Variants in SOX15 observed in about 807,000 individuals in gnomAD.
SOX15 encodes transcription factor SOX-15.
A neutral mutation model predicts 15.9 loss-of-function variants in SOX15; 12 were observed. The observed-to-expected ratio is 0.75, with a 90% CI of 0.48 to 1.22. The LOEUF (loss-of-function observed/expected upper bound fraction) is 1.22, where lower values mean the gene tolerates loss of function less well. SOX15 is among the 50% of genes most tolerant of loss of function. SOX15 has a pLI of 0.00. For missense variants in SOX15, 309 were observed against 313.9 expected, an observed-to-expected ratio of 0.98 and a Z score of 0.12; for synonymous variants, 149 against 142.8, an observed-to-expected ratio of 1.04 and a Z score of -0.31.
In SOX15 at chr17:7,589,551, C is replaced by T; in HGVS notation, c.126G>A (p.Gly42=). 6.2e-7 allele frequency: 1 copy of T among 1,604,614 alleles called. No homozygotes were observed. The highest frequency in any genetic ancestry group is 8.5e-7 in the Non-Finnish European group (1 of 1,176,762). The change falls in exon 1 of 2, where the codon GGG becomes GGA. Residue 42 remains glycine, a synonymous_variant. Coordinates refer to ENST00000250055, the MANE Select transcript of SOX15 (RefSeq NM_006942.2). ...REGAGSPAAP[G]TLPLEKVKRP... Reference sequence around the variant, plus strand: ...GCTTCACCTTCTCCAGGGGCAGCGTCCCGGGGGCCGCGGGGCTCCCAGCGC... The same window carrying T: ...GCTTCACCTTCTCCAGGGGCAGCGTTCCGGGGGCCGCGGGGCTCCCAGCGC...
Position 7,589,773 on chromosome 17 carries a change from T to C in SOX15, c.-97A>G, listed in dbSNP as rs779217417. 7.0e-6 allele frequency: 8 copies of C among 1,142,200 alleles called. No individual in the cohort carries two copies. Among genetic ancestry groups the C allele is most frequent in the African/African-American group, 3.1e-5 (2 of 63,728 alleles). 70.8% of individuals were successfully genotyped at this position (1,142,200 alleles called of 1,614,324 possible). On this transcript the variant is annotated 5_prime_UTR_variant, in exon 1 of 2. Transcript: ENST00000250055. ...GAAAGGTCTTCCCAGTCTGGAGTCGTTGCCGAGGAACTTGGGTCCTTAAAA... is the reference window on the plus strand; with the variant it reads ...GAAAGGTCTTCCCAGTCTGGAGTCGCTGCCGAGGAACTTGGGTCCTTAAAA...
At position 7,588,311 on chromosome 17, in the gene SOX15, G is replaced by A; in HGVS notation, c.*67C>T. 2.0e-6 allele frequency: 3 copies of A among 1,492,294 alleles called. No homozygotes were observed. Among genetic ancestry groups the A allele is most frequent in the East Asian group, 2.3e-5 (1 of 44,346 alleles). 92.4% of individuals were successfully genotyped at this position (1,492,294 alleles called of 1,614,324 possible). On this transcript the variant is annotated 3_prime_UTR_variant, in exon 2 of 2. Transcript: ENST00000250055. ...CAGGAGAAAGGGTTGACAGCCTGGG[G>A]TAGGGGATGCTGCTGGATTAAAAAA...
chr17:7,589,731 C>T lies in SOX15; in HGVS notation c.-55G>A. 2.1e-6 allele frequency: 3 copies of T among 1,428,448 alleles called. No homozygotes were observed. The highest frequency in any genetic ancestry group is 1.9e-6 in the Non-Finnish European group (2 of 1,077,020). 88.5% of individuals were successfully genotyped at this position (1,428,448 alleles called of 1,614,324 possible). On this transcript the variant is annotated 5_prime_UTR_variant, in exon 1 of 2. Coordinates refer to ENST00000250055, the MANE Select transcript of SOX15 (RefSeq NM_006942.2). Reference sequence around the variant, plus strand: ...TGAATGCCCTCCCCTCAACGTGAAGCGTCGATCCTGAAAATGGAAAGGTCT... The same window carrying T: ...TGAATGCCCTCCCCTCAACGTGAAGTGTCGATCCTGAAAATGGAAAGGTCT...
chr17:7,588,395 G>C lies in SOX15; in HGVS notation c.685C>G (p.Pro229Ala). The C allele has an allele frequency of 3.7e-6, 6 of 1,613,330 alleles. No homozygotes were observed. Among genetic ancestry groups the C allele is most frequent in the Non-Finnish European group, 4.2e-6 (5 of 1,179,560 alleles). ...CATGAGGGTTAGAGGTGGGTTAGGG[G>C]CATGGGGGCACCAGCAAGGGGAGGG... ...YNPPLAGAPMPLTHL is the reference protein window; with the variant it reads ...YNPPLAGAPMALTHL The change falls in exon 2 of 2, where the codon CCC (proline) becomes GCC (alanine). Residue 229 changes from proline to alanine, a missense_variant. Transcript: ENST00000250055.
At chr17:7,588,622 G>A in intron 1 of SOX15, 76 bp from the exon 2 acceptor site, 2 of 1,465,946 alleles carry the variant, frequency 1.4e-6, no homozygotes, top group Non-Finnish European at 1.9e-6. Context: ...GGCAGACAGG[G>A]TAGAGCGTGC....
In SOX15 at chr17:7,588,905, C is replaced by G. The variant is rs2071627077; in HGVS notation, c.533+239G>C. On this transcript the variant is annotated intron_variant, in intron 1 of 1. Transcript: ENST00000250055. ...CTAGGACACAGTCGCATCCAGGGGT[C>G]AGTCACCTGACCCTACAGGGCCCAC... 1.5e-5 allele frequency: 9 copies of G among 590,258 alleles called. No homozygotes were observed. In the East Asian group the frequency reaches 2.6e-4, roughly 17 times the overall value. 36.6% of individuals were successfully genotyped at this position (590,258 alleles called of 1,614,324 possible). A position where few individuals can be genotyped will look rare whatever the true frequency, so the allele number is the denominator to read the frequency against.
Position 7,589,355 on chromosome 17 carries a change from G to C in SOX15, c.322C>G (p.Arg108Gly), listed in dbSNP as rs944994847. ...FVEEAKRLRA[R>G]HLRDYPDYKY... ...TAGTCGGGGTAGTCGCGCAGGTGTC[G>C]GGCGCGGAGCCGCTTGGCCTCCTCC... is the stretch of plus-strand genomic sequence containing the variant. Residue 108 changes from arginine (R) to glycine (G), a missense_variant, in exon 1 of 2, where the codon CGA (arginine) becomes GGA (glycine). Arg to Gly is a moderately radical substitution (Grantham distance 125). Coordinates refer to ENST00000250055, the MANE Select transcript of SOX15 (RefSeq NM_006942.2). 5.6e-6 allele frequency: 9 copies of C among 1,610,000 alleles called. No individual in the cohort carries two copies. Among genetic ancestry groups the C allele is most frequent in the Non-Finnish European group, 7.6e-6 (9 of 1,178,090 alleles).
In SOX15 at chr17:7,589,521, C is replaced by G; in HGVS notation, c.156G>C (p.Pro52=). Residue 52 remains proline, a synonymous_variant, in exon 1 of 2, where the codon CCG becomes CCC. Transcript: ENST00000250055. ...AGCTCCACACCATGAACGCGTTCAT[C>G]GGCCGCTTCACCTTCTCCAGGGGCA... is the stretch of plus-strand genomic sequence containing the variant. ...GTLPLEKVKR[P]MNAFMVWSSA... The G allele has an allele frequency of 1.2e-6, 2 of 1,611,512 alleles. No individual in the cohort carries two copies. The highest frequency in any genetic ancestry group is 1.7e-6 in the Non-Finnish European group (2 of 1,179,230).
chr17:7,588,603 CCAGTTCTGGG>C, intron 1 of SOX15, 57 bp from the exon 2 acceptor site: 1 of 1,557,390 alleles, frequency 6.4e-7, no homozygotes, highest in Non-Finnish European at 8.8e-7. Flanking sequence ...GTGAGTCTGG[CCAGTTCTGGG>C]CAGACAGGGT....
chr17:7,589,972 T>A lies in SOX15; in HGVS notation c.-296A>T. The A allele has an allele frequency of 2.2e-6, 1 of 449,284 alleles. No homozygotes were observed. Among genetic ancestry groups the A allele is most frequent in the Non-Finnish European group, 4.0e-6 (1 of 252,870 alleles). 27.8% of individuals were successfully genotyped at this position (449,284 alleles called of 1,614,324 possible). A position where few individuals can be genotyped will look rare whatever the true frequency, so the allele number is the denominator to read the frequency against. ...CCGGTCCCTCTCCCCGACCCGCAGC[T>A]GCGATCAGACCGACCTTCCGTGGAG... On this transcript the variant is annotated 5_prime_UTR_variant, in exon 1 of 2. Transcript: ENST00000250055.
At position 7,588,257 on chromosome 17, in the gene SOX15, C is replaced by A; in HGVS notation, c.*121G>T. The A allele has an allele frequency of 1.0e-6, 1 of 962,698 alleles. No individual in the cohort carries two copies. The highest frequency in any genetic ancestry group is 1.7e-6 in the Non-Finnish European group (1 of 585,520). The allele number at this position is 962,698 out of a possible 1,614,324, so 59.6% of individuals were successfully genotyped here. Reference sequence around the variant, plus strand: ...GCTCTCCCTGGCTATCATGGGAGGACTGCAGGCTGCCTCTGAACTGTAGTC... The same window carrying A: ...GCTCTCCCTGGCTATCATGGGAGGAATGCAGGCTGCCTCTGAACTGTAGTC... On this transcript the variant is annotated 3_prime_UTR_variant, in exon 2 of 2. Coordinates refer to ENST00000250055, the MANE Select transcript of SOX15 (RefSeq NM_006942.2).
rs2071632431 is a variant in SOX15, at chr17:7,589,371, G to A, written c.306C>T (p.Ala102=). 1.2e-6 allele frequency: 2 copies of A among 1,612,006 alleles called. No individual in the cohort carries two copies. The highest frequency in any genetic ancestry group is 1.1e-5 in the South Asian group (1 of 90,954). The part of the protein sequence containing the change: ...EDEKRPFVEE[A]KRLRARHLRD... Reference sequence around the variant, plus strand: ...GCAGGTGTCGGGCGCGGAGCCGCTTGGCCTCCTCCACGAAGGGCCGCTTCT... The same window carrying A: ...GCAGGTGTCGGGCGCGGAGCCGCTTAGCCTCCTCCACGAAGGGCCGCTTCT... Residue 102 remains alanine (A), a synonymous_variant, in exon 1 of 2, where the codon GCC becomes GCT. Transcript: ENST00000250055.
rs769118666 is a variant in SOX15, at chr17:7,589,575, G to A, written c.102C>T (p.Gly34=). ...TCCCGGGGGCCGCGGGGCTCCCAGCGCCCTCCCGCTCCTGGGGTCCCGAAG... is the reference window on the plus strand; with the variant it reads ...TCCCGGGGGCCGCGGGGCTCCCAGCACCCTCCCGCTCCTGGGGTCCCGAAG... ...SSSSGPQERE[G]AGSPAAPGTL... Residue 34 remains glycine, a synonymous_variant, in exon 1 of 2, where the codon GGC becomes GGT. Transcript: ENST00000250055. 7 of 1,583,542 alleles carry A rather than the reference G, an allele frequency of 4.4e-6. No homozygotes were observed. The highest frequency in any genetic ancestry group is 2.3e-5 in the South Asian group (2 of 88,106).
rs769685494 is a variant in SOX15 at position 7,588,322 on chromosome 17, T to C, written c.*56A>G. ...GTTGACAGCCTGGGGTAGGGGATGC[T>C]GCTGGATTAAAAAAGGAGGATGAGG... On this transcript the variant is annotated 3_prime_UTR_variant, in exon 2 of 2. Coordinates refer to ENST00000250055, the MANE Select transcript of SOX15 (RefSeq NM_006942.2). 2.6e-5 allele frequency: 41 copies of C among 1,556,510 alleles called. No individual in the cohort carries two copies. The highest frequency in any genetic ancestry group is 1.1e-4 in the East Asian group (5 of 44,620).
chr17:7,588,850 C>A, intron 1 of SOX15: 1 of 588,574 alleles, frequency 1.7e-6, no homozygotes, highest in Non-Finnish European at 3.0e-6. Context: ...CACACACAGG[C>A]CAGAAGCAGG....
chr17:7,590,021 T>A lies in SOX15; in HGVS notation c.-345A>T. 1 of 295,718 alleles carries A rather than the reference T, an allele frequency of 3.4e-6. No individual in the cohort carries two copies. Among genetic ancestry groups the A allele is most frequent in the Non-Finnish European group, 6.3e-6 (1 of 157,848 alleles). The allele number at this position is 295,718 out of a possible 1,614,324, so 18.3% of individuals were successfully genotyped here. ...AGGGGGTAAACCATAAACCCCTTTG[T>A]GGTCTCCGGAGTTCCGACAGCTGCC... On this transcript the variant is annotated 5_prime_UTR_variant, in exon 1 of 2. Coordinates refer to ENST00000250055, the MANE Select transcript of SOX15 (RefSeq NM_006942.2).
Position 7,589,937 on chromosome 17 carries a change from T to C in SOX15, c.-261A>G. On this transcript the variant is annotated 5_prime_UTR_variant, in exon 1 of 2. Coordinates refer to ENST00000250055, the MANE Select transcript of SOX15 (RefSeq NM_006942.2). ...AAGAGGTGTTCTGAGGCCTACTGAC[T>C]GGGGGACCCCCGGTCCCTCTCCCCG... 4.0e-6 allele frequency: 2 copies of C among 504,732 alleles called. No individual in the cohort carries two copies. Among genetic ancestry groups the C allele is most frequent in the Non-Finnish European group, 7.0e-6 (2 of 287,454 alleles). 31.3% of individuals were successfully genotyped at this position (504,732 alleles called of 1,614,324 possible).
chr17:7,589,617 C>CACG lies in SOX15; in HGVS notation c.59_60insCGT (p.Thr20_Ala21insVal), dbSNP rs1283976254. 2.6e-6 allele frequency: 4 copies of CACG among 1,554,634 alleles called. No individual in the cohort carries two copies. In the African/African-American group the frequency reaches 4.1e-5, roughly 16 times the overall value. On this transcript the variant is annotated inframe_insertion, in exon 1 of 2. Coordinates refer to ENST00000250055, the MANE Select transcript of SOX15 (RefSeq NM_006942.2). ...GTCCCGAAGATGAGGAGGCAGCAGC[C>CACG]GTGGCAGCCGGAGGCTCCAGGCTCC...
In SOX15 at chr17:7,589,225, C is replaced by A. The variant is rs2071630472; in HGVS notation, c.452G>T (p.Gly151Val). 2 of 1,544,390 alleles carry A rather than the reference C, an allele frequency of 1.3e-6. No homozygotes were observed. Among genetic ancestry groups the A allele is most frequent in the Non-Finnish European group, 1.7e-6 (2 of 1,144,016 alleles). ...TCTGCTCGGTTGGGTGGTCGCGTACCCCGGCCCCCAGAGCGGGCCGCCGCT... is the reference window on the plus strand; with the variant it reads ...TCTGCTCGGTTGGGTGGTCGCGTACACCGGCCCCCAGAGCGGGCCGCCGCT... ...LASGGPLWGP[G>V]YATTQPSRGF... The change falls in exon 1 of 2, where the codon GGG becomes GTG. Residue 151 changes from glycine to valine, a missense_variant. Transcript: ENST00000250055.
Sources: allele counts gnomAD v4.1 joint callset, GRCh38; gene constraint gnomAD v4.1.1; transcripts MANE v1.5; gene names NCBI Gene and HGNC (gene_info 2026-07-23, HGNC 2026-07-21).